The following RFX7 variants were observed in gnomAD, a reference collection of about 807,000 sequenced individuals.
RFX7 encodes regulatory factor X7.
RFX7 carries 26 observed loss-of-function variants against 111.8 expected under a neutral mutation model. The ratio of observed to expected loss-of-function variants is 0.23; its 90% CI spans 0.17 to 0.32. RFX7 has a LOEUF of 0.32. Ranked by LOEUF, RFX7 falls within the 10% of genes least tolerant of loss-of-function variation. RFX7 has a pLI of 1.00. For missense variants in RFX7, 1,573 were observed against 1,772.9 expected (o/e 0.89, Z 2.02); for synonymous variants, 624 against 624.4 (o/e 1.00, Z 0.01).
intron 3 of RFX7, among the ~76,000 whole-genome samples, chr15:56,165,892 A>C (rs2042776386): frequency 6.6e-6 from 1 of 152,146 alleles, no homozygotes; most frequent in Non-Finnish European, 1.5e-5. Flanking sequence ...CCCTGGTTTT[A>C]AGCCTTTGAT....
intron 3 of RFX7, among the ~76,000 whole-genome samples, chr15:56,161,472 A>G (rs1433461892): frequency 1.3e-5 from 2 of 152,078 alleles, no homozygotes; most frequent in African/African-American, 4.8e-5. Context: ...ATTACATTAT[A>G]AAAGAAAAAA....
At chr15:56,217,137 T>C (rs1407689671) in intron 2 of RFX7, among the ~76,000 whole-genome samples, 3 of 152,230 alleles carry the variant, frequency 2.0e-5, no homozygotes, top group Non-Finnish European at 4.4e-5. Context: ...GACACATATG[T>C]ACTATAATAC....
intron 3 of RFX7, among the ~76,000 whole-genome samples, chr15:56,151,303 C>T (rs2042566043): frequency 6.6e-6 from 1 of 152,138 alleles, no homozygotes; most frequent in African/African-American, 2.4e-5. Context: ...TAAGGGCAGC[C>T]AGACAGAAAG....
rs1273966256 is a variant in RFX7 at position 56,140,140 on chromosome 15, C to G, written c.401+2638G>C. 3.9e-5 allele frequency among the ~76,000 whole-genome samples: 6 copies of G among 152,312 alleles called. No individual in the cohort carries two copies. In the East Asian group the frequency reaches 1.2e-3, roughly 29 times the overall value. ...AGGCCTCCTTGAGCTGTGGTGGGCT[C>G]CGCCCAGTTGGAGCTTCCTGGCTGC... is the stretch of plus-strand genomic sequence containing the variant. On this transcript the variant is annotated intron_variant, in intron 5 of 9. Coordinates refer to ENST00000559447, the MANE Select transcript of RFX7 (RefSeq NM_022841.7).
At chr15:56,140,217 C>T (rs909963597) in intron 5 of RFX7, among the ~76,000 whole-genome samples, 5 of 152,170 alleles carry the variant, frequency 3.3e-5, no homozygotes, top group African/African-American at 7.2e-5. Flanking sequence ...CCCCCAGCCT[C>T]GCTGTCGCCT....
At position 56,096,135 on chromosome 15, in the gene RFX7, TC is replaced by T. The variant is rs1446187716; in HGVS notation, c.1592del (p.Gly531GlufsTer60). 1 of 1,613,590 alleles carries T rather than the reference TC, an allele frequency of 6.2e-7. No homozygotes were observed. Among genetic ancestry groups the T allele is most frequent in the African/African-American group, 1.3e-5 (1 of 74,838 alleles). On this transcript the variant is annotated frameshift_variant, in exon 10 of 10. Transcript: ENST00000559447. LOFTEE classifies it high-confidence loss of function. ...CCACTTTGACTTCCACAGCAGATGT[TC>T]CCCCCGCACTGCTGCTCCTGGACCC... ...SPGSRSSSAG[G>X]TSAVEVKVEP...
At chr15:56,110,234 T>G (rs1216169217) in intron 5 of RFX7, among the ~76,000 whole-genome samples, 1 of 94,028 alleles carries the variant, frequency 1.1e-5, no homozygotes, top group African/African-American at 3.9e-5. Context: ...GGAGCCCCTC[T>G]GCCCGGCCAG....
At chr15:56,196,378 A>G (rs530664943) in intron 2 of RFX7, among the ~76,000 whole-genome samples, 2 of 152,092 alleles carry the variant, frequency 1.3e-5, no homozygotes, top group Non-Finnish European at 2.9e-5. Flanking sequence ...AATGCTGACT[A>G]TCTCCATAAA....
chr15:56,090,716 CAG>C lies in RFX7; in HGVS notation c.*2627_*2628del, dbSNP rs1340867912. The C allele has an allele frequency of 6.6e-6, 1 of 152,458 alleles. No homozygotes were observed. Among genetic ancestry groups the C allele is most frequent in the African/African-American group, 2.4e-5 (1 of 41,414 alleles). 9.4% of individuals were successfully genotyped at this position (152,458 alleles called of 1,614,324 possible). The stretch of plus-strand genomic sequence containing the variant: ...TTTTTGCACTAAATGAAACATGAAA[CAG>C]GGCTTGTTTTTGTCATTTATCGTGT... On this transcript the variant is annotated 3_prime_UTR_variant, in exon 10 of 10. Coordinates refer to ENST00000559447, the MANE Select transcript of RFX7 (RefSeq NM_022841.7).
At position 56,243,556 on chromosome 15, in the gene RFX7, C is replaced by T; in HGVS notation, c.-114G>A. 4.1e-6 allele frequency: 4 copies of T among 972,224 alleles called. No individual in the cohort carries two copies. The highest frequency in any genetic ancestry group is 3.7e-6 in the Non-Finnish European group (3 of 818,894). 60.2% of individuals were successfully genotyped at this position (972,224 alleles called of 1,614,324 possible). A position where few individuals can be genotyped will look rare whatever the true frequency, so the allele number is the denominator to read the frequency against. ...CCGCGGGAGAGGCATGGCGGCGCCC[C>T]TCAGCCCCCCGCTGGCGCCGCCGCC... On this transcript the variant is annotated 5_prime_UTR_variant, in exon 1 of 10. Transcript: ENST00000559447.
At chr15:56,127,506 AC>A (rs1455469179) in intron 5 of RFX7, among the ~76,000 whole-genome samples, 2 of 150,736 alleles carry the variant, frequency 1.3e-5, no homozygotes, top group African/African-American at 2.4e-5. Flanking sequence ...GAATATAAAA[AC>A]ATTAGAAAAA....
At chr15:56,232,678 C>G (rs537111596) in intron 2 of RFX7, among the ~76,000 whole-genome samples, 5 of 152,184 alleles carry the variant, frequency 3.3e-5, no homozygotes, top group Non-Finnish European at 7.3e-5. Flanking sequence ...TTTAACAGCA[C>G]CCAAGTCACC....
At chr15:56,238,816 C>CTTAT (rs1302706454) in intron 2 of RFX7, among the ~76,000 whole-genome samples, 2 of 151,932 alleles carry the variant, frequency 1.3e-5, no homozygotes, top group Admixed American at 6.6e-5. Context: ...GTGCTTCCGA[C>CTTAT]TTATTTATTT....
At chr15:56,146,526 T>C (rs1400581527) in intron 3 of RFX7, among the ~76,000 whole-genome samples, 1 of 152,052 alleles carries the variant, frequency 6.6e-6, no homozygotes, top group African/African-American at 2.4e-5. Context: ...TTTTTGATCA[T>C]AAAGAAAAAA....
intron 2 of RFX7, among the ~76,000 whole-genome samples, chr15:56,213,343 A>C (rs2043331277): frequency 6.6e-6 from 1 of 152,238 alleles, no homozygotes. Context: ...ATCATGAAGT[A>C]CTATTCCATA....
At chr15:56,231,380 A>G (rs2043555796) in intron 2 of RFX7, among the ~76,000 whole-genome samples, 1 of 152,202 alleles carries the variant, frequency 6.6e-6, no homozygotes, top group South Asian at 2.1e-4. Context: ...GAGGCTTTAC[A>G]ATCATGGCAA....
chr15:56,105,531 A>G (rs553032861), intron 5 of RFX7, among the ~76,000 whole-genome samples: 1 of 152,346 alleles, frequency 6.6e-6, no homozygotes, highest in African/African-American at 2.4e-5. Context: ...CAGCACTGGC[A>G]GAAATGGGTC....
chr15:56,132,788 A>C (rs548795814), intron 5 of RFX7, among the ~76,000 whole-genome samples: 2 of 152,140 alleles, frequency 1.3e-5, no homozygotes, highest in Non-Finnish European at 2.9e-5. Context: ...GTAAAAGGCT[A>C]GAACAAACAT....
intron 3 of RFX7, among the ~76,000 whole-genome samples, chr15:56,158,154 A>C (rs1275237317): frequency 6.6e-6 from 1 of 152,158 alleles, no homozygotes; most frequent in Non-Finnish European, 1.5e-5. Flanking sequence ...TGTTACTTGA[A>C]ATTGATGTCT....
Sources: allele counts gnomAD v4.1 joint callset (sites outside exome capture counted in the v4.1 genomes callset), GRCh38; gene constraint gnomAD v4.1.1; transcripts MANE v1.5; gene names NCBI Gene and HGNC (gene_info 2026-07-23, HGNC 2026-07-21).